The following ASTN2 variants were observed in gnomAD, a reference collection of about 807,000 sequenced individuals.
ASTN2 encodes astrotactin 2.
A neutral mutation model predicts 139.8 loss-of-function variants in ASTN2; 54 were observed. The observed-to-expected ratio is 0.39, with a 90% confidence interval of 0.31 to 0.48. The LOEUF (loss-of-function observed/expected upper bound fraction) is 0.48, where lower values mean the gene tolerates loss of function less well. Ranked by LOEUF, ASTN2 falls within the 20% of genes least tolerant of loss-of-function variation. ASTN2 has a pLI of 0.95. For missense variants in ASTN2, 1,565 were observed against 1,725.1 expected, an observed-to-expected ratio of 0.91 and a Z score of 1.64; for synonymous variants, 756 against 719.5, an observed-to-expected ratio of 1.05 and a Z score of -0.81.
At chr9:117,120,012 G>GTATATATATATATATA (rs1194137211) in intron 4 of ASTN2, among the ~76,000 whole-genome samples, 2 of 68,786 alleles carry the variant, frequency 2.9e-5, no homozygotes, top group African/African-American at 1.3e-4. Context: ...GTGTGTGTGT[G>GTATATATATATATATA]TGTGTGTATA....
chr9:117,264,537 G>A (rs193090487), intron 2 of ASTN2, among the ~76,000 whole-genome samples: 9 of 152,198 alleles, frequency 5.9e-5, no homozygotes, highest in East Asian at 1.9e-4. Flanking sequence ...ATATAGCACC[G>A]GTTTTATATT....
At chr9:117,361,325 T>A (rs906861359) in intron 1 of ASTN2, among the ~76,000 whole-genome samples, 6 of 152,154 alleles carry the variant, frequency 3.9e-5, no homozygotes, top group Non-Finnish European at 8.8e-5. Context: ...GCGGCCAGCA[T>A]AGCAAGTCGC....
rs532161249 is a variant in ASTN2, at chr9:117,173,702, G to A, written c.1016-32224C>T. 3.8e-4 allele frequency among the ~76,000 whole-genome samples: 57 copies of A among 151,978 alleles called. 2 individuals carry two copies. The highest frequency in any genetic ancestry group is 3.3e-3 in the Admixed American group (50 of 15,252). On this transcript the variant is annotated intron_variant, in intron 3 of 22. Transcript: ENST00000313400. ...TACATAGCAAAACTTGAGGTCTAGA[G>A]ATAAAGAAACACTTCAGAGAAAGTT...
At chr9:116,477,731 CAG>C (rs1849029181) in intron 20 of ASTN2, among the ~76,000 whole-genome samples, 1 of 150,928 alleles carries the variant, frequency 6.6e-6, no homozygotes, top group South Asian at 2.1e-4. Flanking sequence ...CACAAAAAGA[CAG>C]AGACAGGCCA....
chr9:117,089,535 A>AT (rs948141135), intron 5 of ASTN2, among the ~76,000 whole-genome samples: 2 of 150,468 alleles, frequency 1.3e-5, no homozygotes, highest in South Asian at 2.1e-4. Context: ...ATTCTTTATT[A>AT]TTTTTTTTCA....
intron 20 of ASTN2, among the ~76,000 whole-genome samples, chr9:116,484,360 C>A (rs1252093111): frequency 1.3e-5 from 2 of 152,202 alleles, no homozygotes; most frequent in East Asian, 3.9e-4. Flanking sequence ...CAGTGAAAAA[C>A]CTGCCTCGGG....
chr9:116,884,884 T>C (rs1213996863), intron 10 of ASTN2, among the ~76,000 whole-genome samples: 1 of 144,784 alleles, frequency 6.9e-6, no homozygotes, highest in African/African-American at 2.6e-5. Context: ...GGCGCTATCT[T>C]GGCTCACTGC....
chr9:116,680,926 A>G (rs546389492), intron 16 of ASTN2, among the ~76,000 whole-genome samples: 25 of 152,110 alleles, frequency 1.6e-4, no homozygotes, highest in Admixed American at 1.1e-3. Flanking sequence ...CATACTGAAT[A>G]GACAAAAACT....
rs556624025 is a variant in ASTN2, at chr9:116,453,420, C to T, written c.3498-10867G>A. 1.7e-4 allele frequency among the ~76,000 whole-genome samples: 25 copies of T among 150,916 alleles called. No homozygotes were observed. The South Asian group carries it at 4.9e-3, about 29-fold the overall frequency. On this transcript the variant is annotated intron_variant, in intron 20 of 22. Coordinates refer to ENST00000313400, the MANE Select transcript of ASTN2 (RefSeq NM_001365068.1). Reference sequence around the variant, plus strand: ...CATCCTGGCTAACACGGTGAAACCCCGTCTCTATTAAAAATACAAAAAAAT... The same window carrying T: ...CATCCTGGCTAACACGGTGAAACCCTGTCTCTATTAAAAATACAAAAAAAT...
chr9:116,689,750 G>A (rs1860470066), intron 16 of ASTN2, among the ~76,000 whole-genome samples: 1 of 152,150 alleles, frequency 6.6e-6, no homozygotes, highest in Admixed American at 6.5e-5. Flanking sequence ...GTAGGGAGGA[G>A]CCCTGGACTT....
intron 13 of ASTN2, among the ~76,000 whole-genome samples, chr9:116,781,452 T>A (rs1830216517): frequency 6.6e-6 from 1 of 152,090 alleles, no homozygotes; most frequent in South Asian, 2.1e-4. Context: ...CCTAGAAAAC[T>A]CAGACCTGGG....
At chr9:117,082,680 G>A (rs914536046) in intron 5 of ASTN2, among the ~76,000 whole-genome samples, 8 of 152,186 alleles carry the variant, frequency 5.3e-5, no homozygotes, top group African/African-American at 1.9e-4. Flanking sequence ...GCACATGCCT[G>A]TGGTTCCAGC....
intron 19 of ASTN2, chr9:116,546,192 A>G (rs897913251): frequency 3.3e-5 from 5 of 152,248 alleles, no homozygotes; most frequent in African/African-American, 1.2e-4. Context: ...GGACTGCAGA[A>G]GTTGGGTATT....
chr9:117,066,557 T>C (rs1049010056), intron 5 of ASTN2, among the ~76,000 whole-genome samples: 1 of 150,618 alleles, frequency 6.6e-6, no homozygotes, highest in Non-Finnish European at 1.5e-5. Context: ...CTGGGTCAAA[T>C]GGTATTTCTA....
chr9:116,775,959 G>A (rs1177071245), intron 13 of ASTN2, among the ~76,000 whole-genome samples: 3 of 152,106 alleles, frequency 2.0e-5, no homozygotes, highest in Admixed American at 6.5e-5. Flanking sequence ...ATTTTTCATG[G>A]CATAAAGGAA....
chr9:116,585,833 G>T (rs1854123414), intron 19 of ASTN2: 1 of 152,076 alleles, frequency 6.6e-6, no homozygotes. Flanking sequence ...TAATTAAAGA[G>T]CTTTCGCACA....
chr9:116,932,785 C>T (rs12378982), intron 10 of ASTN2, among the ~76,000 whole-genome samples: 60 of 152,038 alleles, frequency 3.9e-4, no homozygotes, highest in Non-Finnish European at 1.6e-4. Context: ...GCGGGTGGAT[C>T]ACTTGAGGTA....
intron 19 of ASTN2, among the ~76,000 whole-genome samples, chr9:116,562,733 T>TAAAAAAAA (rs35878476): frequency 1.6e-5 from 1 of 64,468 alleles, no homozygotes; most frequent in African/African-American, 6.4e-5. Context: ...ACTGCCTCAT[T>TAAAAAAAA]AAAAAAAAAA....
At chr9:116,980,932 C>G (rs539032090) in intron 7 of ASTN2, among the ~76,000 whole-genome samples, 4 of 152,270 alleles carry the variant, frequency 2.6e-5, no homozygotes, top group African/African-American at 9.6e-5. Flanking sequence ...TGACAGCTCT[C>G]TAGGGATGCA....
Sources: gnomAD v4.1 joint callset for allele counts (sites outside exome capture counted in the v4.1 genomes callset) on GRCh38, gnomAD v4.1.1 for gene constraint, MANE v1.5 for transcripts, NCBI Gene and HGNC (gene_info 2026-07-23, HGNC 2026-07-21) for gene names.